RDH13: variants seen among roughly 807,000 people sequenced by gnomAD.
RDH13 encodes the protein retinol dehydrogenase 13, also known as retinol dehydrogenase 13 (all-trans and 9-cis).
In RDH13, 35 loss-of-function variants were observed where a neutral mutation model predicts 28.3. The ratio of observed to expected loss-of-function variants is 1.24; its 90% CI spans 0.95 to 1.64. The LOEUF (loss-of-function observed/expected upper bound fraction) is 1.64, where lower values mean the gene tolerates loss of function less well. Ranked by LOEUF, RDH13 falls within the 40% of genes most tolerant of loss-of-function variation. RDH13 has a pLI of 0.00. For synonymous variants in RDH13, 229 were observed against 198.5 expected (o/e 1.15, Z -1.29); for missense variants, 514 against 446.3 (o/e 1.15, Z -1.37).
intron 3 of RDH13, 43 bp downstream of exon 3, chr19:55,056,610 C>T (rs752431570): frequency 8.8e-6 from 14 of 1,596,474 alleles, no homozygotes; most frequent in Admixed American, 5.1e-5. Context: ...CCCTGGGAGC[C>T]GCCTATCCCA....
At chr19:55,057,339 C>T (rs1872253761) in intron 2 of RDH13, among the ~76,000 whole-genome samples, 1 of 151,910 alleles carries the variant, frequency 6.6e-6, no homozygotes, top group Non-Finnish European at 1.5e-5. Flanking sequence ...CATTCTGTGA[C>T]TATACTAAAC....
At chr19:55,057,661 C>T (rs10418395) in intron 2 of RDH13, among the ~76,000 whole-genome samples, 110,794 of 151,748 alleles carry the variant, frequency 0.73, 40,794 homozygotes, top group East Asian at 0.94. Context: ...TAGTCTTGAA[C>T]TTCTGACCTC....
chr19:55,065,507 T>G (rs2075944596), upstream of RDH13, among the ~76,000 whole-genome samples: 1 of 151,616 alleles, frequency 6.6e-6, no homozygotes, highest in Admixed American at 6.7e-5. Flanking sequence ...TTCTGTAAAC[T>G]GAAATCCTAA....
chr19:55,059,271 A>G lies in RDH13; in HGVS notation c.70T>C (p.Tyr24His). 6.3e-7 allele frequency: 1 copy of G among 1,593,518 alleles called. No individual in the cohort carries two copies. ...VAGAAVLLKD[Y>H]VTGGACPSKA... ...CTGGGGCAAGCCCCACCGGTGACAT[A>G]GTCCCTGAGGGTGAGAAGCGGCACG... The change falls in exon 2 of 7, where the codon TAT becomes CAT. Residue 24 changes from tyrosine to histidine, a missense_variant. By Grantham distance (83) the Tyr-to-His change is moderately conservative. Transcript: ENST00000415061.
intron 5 of RDH13, chr19:55,047,990 C>A: frequency 7.9e-7 from 1 of 1,265,022 alleles, no homozygotes; most frequent in African/African-American, 1.5e-5. Flanking sequence ...GCTGTGATCA[C>A]TGTGTTTCCA....
chr19:55,040,821 T>A (rs1384274891), downstream of RDH13: 1 of 152,242 alleles, frequency 6.6e-6, no homozygotes, highest in Non-Finnish European at 1.5e-5. Context: ...AGATTTGTCA[T>A]AAGGGTTATA....
rs190364510 is a variant in RDH13 at position 55,060,954 on chromosome 19, C to T, written c.66-1679G>A. On this transcript the variant is annotated intron_variant, in intron 1 of 6. Coordinates refer to ENST00000415061, the MANE Select transcript of RDH13 (RefSeq NM_001145971.2). ...CCTCCAGTTCGGCAGGTCAAGAGTC[C>T]AAAACATGTCTCACTGGAATAAATC... Among the ~76,000 whole-genome samples, 4 of 152,210 alleles carry T rather than the reference C, an allele frequency of 2.6e-5. No homozygotes were observed. In the South Asian group the frequency reaches 6.2e-4, roughly 24 times the overall value.
At position 55,044,795 on chromosome 19, in the gene RDH13, T is replaced by TC; in HGVS notation, c.*278dup. ...TGGCCTGCAAGTGCACGGAGCCCCT[T>TC]CCTCCTCGGCCATTCCCAGTTTAGA... On this transcript the variant is annotated 3_prime_UTR_variant, in exon 7 of 7. Coordinates refer to ENST00000415061, the MANE Select transcript of RDH13 (RefSeq NM_001145971.2). 1 of 452,482 alleles carries TC rather than the reference T, an allele frequency of 2.2e-6. No individual in the cohort carries two copies. Among genetic ancestry groups the TC allele is most frequent in the Non-Finnish European group, 3.9e-6 (1 of 258,150 alleles). 28.0% of individuals were successfully genotyped at this position (452,482 alleles called of 1,614,324 possible). A position where few individuals can be genotyped will look rare whatever the true frequency, so the allele number is the denominator to read the frequency against.
Position 55,044,889 on chromosome 19 carries a change from C to G in RDH13, c.*185G>C, listed in dbSNP as rs1437234050. 1 of 563,644 alleles carries G rather than the reference C, an allele frequency of 1.8e-6. No homozygotes were observed. Among genetic ancestry groups the G allele is most frequent in the African/African-American group, 1.9e-5 (1 of 52,652 alleles). 34.9% of individuals were successfully genotyped at this position (563,644 alleles called of 1,614,324 possible). ...CAGAGCAGACGGAACCAGCCAGAGC[C>G]CAGGGCAGTGCTCACCTGCAGGCCA... is the stretch of plus-strand genomic sequence containing the variant. On this transcript the variant is annotated 3_prime_UTR_variant, in exon 7 of 7. Transcript: ENST00000415061.
At chr19:55,048,631 C>T (rs1318927779) in intron 4 of RDH13, 28 bp downstream of exon 4, 1 of 1,612,240 alleles carries the variant, frequency 6.2e-7, no homozygotes, top group East Asian at 2.2e-5. Context: ...CGCTTGAACC[C>T]ATGGTGCAGC....
Position 55,063,130 on chromosome 19 carries a change from C to CA in RDH13, c.-99dup. 3 of 1,147,952 alleles carry CA rather than the reference C, an allele frequency of 2.6e-6. No homozygotes were observed. In the South Asian group the frequency reaches 8.1e-5, roughly 31 times the overall value. The allele number at this position is 1,147,952 out of a possible 1,614,324, so 71.1% of individuals were successfully genotyped here. A position where few individuals can be genotyped will look rare whatever the true frequency, so the allele number is the denominator to read the frequency against. On this transcript the variant is annotated 5_prime_UTR_variant, in exon 1 of 7. Coordinates refer to ENST00000415061, the MANE Select transcript of RDH13 (RefSeq NM_001145971.2). The stretch of plus-strand genomic sequence containing the variant: ...TCCGAGGAAGAGCGCGCGACGCAGC[C>CA]ACAGGCGAGCGGAGGCGCAGGCGCG...
At chr19:55,050,182 T>C (rs1287614420) in intron 3 of RDH13, among the ~76,000 whole-genome samples, 1 of 151,566 alleles carries the variant, frequency 6.6e-6, no homozygotes, top group Admixed American at 6.6e-5. Flanking sequence ...AATGGTGCGA[T>C]CTTGGCTCAC....
At chr19:55,047,101 T>A in intron 6 of RDH13, 1 of 1,329,682 alleles carries the variant, frequency 7.5e-7, no homozygotes, top group Non-Finnish European at 9.6e-7. Flanking sequence ...GAAGCTGGAG[T>A]TACCCTGAGT....
At chr19:55,045,513 G>A (rs2075192954) in intron 6 of RDH13, among the ~76,000 whole-genome samples, 2 of 152,118 alleles carry the variant, frequency 1.3e-5, no homozygotes, top group African/African-American at 4.8e-5. Context: ...ACCAAAAGCT[G>A]CCTCCCCCAA....
At chr19:55,068,874 G>C (rs1487115998) in intron 1 of RDH13, 9 of 91,306 alleles carry the variant, frequency 9.9e-5, no homozygotes, top group Non-Finnish European at 1.7e-4. Flanking sequence ...AAAGAATAAA[G>C]GGAGGGAGGG....
downstream of RDH13, chr19:55,041,745 G>A (rs2075035906): frequency 1.3e-5 from 2 of 152,216 alleles, no homozygotes; most frequent in South Asian, 4.1e-4. Flanking sequence ...CTGTCCTCTG[G>A]CGTGCGGTTC....
Position 55,056,702 on chromosome 19 carries a change from G to C in RDH13, c.291C>G (p.Asp97Glu), listed in dbSNP as rs748298689. The change falls in exon 3 of 7, where the codon GAC becomes GAG. Residue 97 changes from aspartate to glutamate, a missense_variant. By Grantham distance (45) the Asp-to-Glu change is conservative. Transcript: ENST00000415061. ...LNHHVNARHL[D>E]LASLKSIREF... Reference sequence around the variant, plus strand: ...CTCGGATAGACTTGAGGGAAGCCAAGTCCAGGTGCCGGGCGTTGACATGGT... The same window carrying C: ...CTCGGATAGACTTGAGGGAAGCCAACTCCAGGTGCCGGGCGTTGACATGGT... 7.4e-6 allele frequency: 12 copies of C among 1,613,946 alleles called. No homozygotes were observed. Among genetic ancestry groups the C allele is most frequent in the African/African-American group, 2.7e-5 (2 of 74,880 alleles).
chr19:55,068,049 CTCTCTT>C (rs980294564), upstream of RDH13, among the ~76,000 whole-genome samples: 3 of 148,156 alleles, frequency 2.0e-5, no homozygotes, highest in African/African-American at 7.5e-5. Context: ...CCTTCTCTCT[CTCTCTT>C]TCTCCCCCAT....
chr19:55,045,197 G>C lies in RDH13; in HGVS notation c.873C>G (p.Leu291=). The C allele has an allele frequency of 1.2e-6, 2 of 1,613,624 alleles. No homozygotes were observed. Among genetic ancestry groups the C allele is most frequent in the Non-Finnish European group, 1.7e-6 (2 of 1,180,022 alleles). Residue 291 remains leucine, a synonymous_variant, in exon 7 of 7, where the codon CTC becomes CTG. Transcript: ENST00000415061. ...CCTCGGGGGCCGGGGCCTTCTGTTT[G>C]AGTCCATCGAAGTACTTTCCGGAAA... ...ADVSGKYFDG[L]KQKAPAPEAE...
Sources: gnomAD v4.1 joint callset for allele counts (sites outside exome capture counted in the v4.1 genomes callset) on GRCh38, gnomAD v4.1.1 for gene constraint, MANE v1.5 for transcripts, NCBI Gene and HGNC (gene_info 2026-07-23, HGNC 2026-07-21) for gene names.